The following SMARCC2 variants were observed in gnomAD, a reference collection of about 807,000 sequenced individuals.
SMARCC2 encodes the protein SWI/SNF complex subunit SMARCC2.
In SMARCC2, 15 loss-of-function variants were observed where a neutral mutation model predicts 151.3. That is an observed-to-expected ratio of 0.10 (90% CI 0.07 to 0.15). The LOEUF (loss-of-function observed/expected upper bound fraction) is 0.15. Ranked by LOEUF, SMARCC2 falls within the 10% of genes least tolerant of loss-of-function variation. The probability of loss-of-function intolerance (pLI) is 1.00; values close to 1 mark genes in which losing one functional copy is unlikely to be tolerated. For missense variants in SMARCC2, 1,031 were observed against 1,599.7 expected (o/e 0.64, Z 6.06); for synonymous variants, 590 against 609.5 (o/e 0.97, Z 0.47).
rs1046418692 is a variant in SMARCC2, at chr12:56,171,537, T to C, written c.2186-105A>G. 1 of 1,528,586 alleles carries C rather than the reference T, an allele frequency of 6.5e-7. No individual in the cohort carries two copies. The highest frequency in any genetic ancestry group is 9.0e-7 in the Non-Finnish European group (1 of 1,116,316). 94.7% of individuals were successfully genotyped at this position (1,528,586 alleles called of 1,614,324 possible). On this transcript the variant is annotated intron_variant, in intron 21 of 28. Transcript: ENST00000550164. The surrounding 1 kb of genome is among the most constrained non-coding windows in gnomAD (Gnocchi z 4.2). Reference sequence around the variant, plus strand: ...GCCCATGTCTTCATCTAAGCTAGTATGGAGCCTAGACAGGTGCCTGAGCTG... The same window carrying C: ...GCCCATGTCTTCATCTAAGCTAGTACGGAGCCTAGACAGGTGCCTGAGCTG...
At chr12:56,186,554 T>G in intron 2 of SMARCC2, 1 of 310,762 alleles carries the variant, frequency 3.2e-6, no homozygotes, top group Middle Eastern at 1.1e-3. Context: ...TTCTCCATGT[T>G]GGTCAGGCTG....
Position 56,169,628 on chromosome 12 carries a change from A to G in SMARCC2, c.2616T>C (p.Ser872=), listed in dbSNP as rs776914753. The part of the protein sequence containing the change: ...QEEVLKEVVE[S]EGERKTKVER... The stretch of plus-strand genomic sequence containing the variant: ...CCACCTTTGTCTTCCTTTCCCCCTC[A>G]GACTCCACCACTTCCTTCAGCACTT... Residue 872 remains serine (S), a synonymous_variant, in exon 25 of 29, where the codon TCT becomes TCC. Coordinates refer to ENST00000550164, the MANE Select transcript of SMARCC2 (RefSeq NM_001330288.2). 6.2e-7 allele frequency: 1 copy of G among 1,613,958 alleles called. No homozygotes were observed. The highest frequency in any genetic ancestry group is 8.5e-7 in the Non-Finnish European group (1 of 1,179,922).
intron 23 of SMARCC2, 71 bp from the exon 24 acceptor site, chr12:56,169,982 G>A: frequency 1.3e-6 from 2 of 1,493,894 alleles, no homozygotes; most frequent in Non-Finnish European, 1.9e-6. Flanking sequence ...AGAGGGGCCA[G>A]ACGGGGAACT....
chr12:56,172,157 C>T lies in SMARCC2; in HGVS notation c.1927-220G>A, dbSNP rs144027391. 5 of 565,696 alleles carry T rather than the reference C, an allele frequency of 8.8e-6. No individual in the cohort carries two copies. The East Asian group carries it at 1.5e-4, about 17-fold the overall frequency. The allele number at this position is 565,696 out of a possible 1,614,324, so 35.0% of individuals were successfully genotyped here. On this transcript the variant is annotated intron_variant, in intron 20 of 28. Coordinates refer to ENST00000550164, the MANE Select transcript of SMARCC2 (RefSeq NM_001330288.2). Reference sequence around the variant, plus strand: ...AGCCTGGAGCTGGTCCTGAAGCTCACTGGAGCCTTGACCTCCTAGGCTCAA... The same window carrying T: ...AGCCTGGAGCTGGTCCTGAAGCTCATTGGAGCCTTGACCTCCTAGGCTCAA...
In SMARCC2 at chr12:56,164,607, AGGAGGC is replaced by A; in HGVS notation, c.3351_3356del (p.Pro1122_Pro1123del). The A allele has an allele frequency of 6.2e-7, 1 of 1,613,796 alleles. No homozygotes were observed. The highest frequency in any genetic ancestry group is 1.1e-5 in the South Asian group (1 of 91,066). ...TGATGGATGGAGCAGGAGGAGGAGG[AGGAGGC>A]GGCATGCCAAAAGGCAAACCCAAAG... On this transcript the variant is annotated inframe_deletion, in exon 28 of 29. Transcript: ENST00000550164.
chr12:56,189,380 G>A lies in SMARCC2; in HGVS notation c.82C>T (p.Arg28Trp). The A allele has an allele frequency of 3.9e-6, 6 of 1,539,710 alleles. No homozygotes were observed. Among genetic ancestry groups the A allele is most frequent in the Admixed American group, 1.9e-5 (1 of 52,934 alleles). ...ADTVTQFDNVRLWLGKNYKKY... is the reference protein window; with the variant it reads ...ADTVTQFDNVWLWLGKNYKKY... ...TTGTAGTTCTTGCCGAGCCACAGCC[G>A]CACGTTGTCGAACTGGGTCACGGTG... The change falls in exon 1 of 29, where the codon CGG (arginine) becomes TGG (tryptophan). Residue 28 changes from arginine to tryptophan, a missense_variant. By Grantham distance (101) the Arg-to-Trp change is moderately radical. Transcript: ENST00000550164.
At chr12:56,187,859 G>A (rs979788193) in intron 1 of SMARCC2, among the ~76,000 whole-genome samples, 1 of 152,128 alleles carries the variant, frequency 6.6e-6, no homozygotes, top group Non-Finnish European at 1.5e-5. Flanking sequence ...TAGACAGGAA[G>A]GGCCATCCAC....
chr12:56,184,954 A>G lies in SMARCC2; in HGVS notation c.400-18T>C. On this transcript the variant is annotated intron_variant, in intron 4 of 28. Coordinates refer to ENST00000550164, the MANE Select transcript of SMARCC2 (RefSeq NM_001330288.2). Reference sequence around the variant, plus strand: ...CAATTATTCTGTGGAGAGAAGAAATAGAATGAGATTATAGGAAAGGGGTGT... The same window carrying G: ...CAATTATTCTGTGGAGAGAAGAAATGGAATGAGATTATAGGAAAGGGGTGT... 6.2e-7 allele frequency: 1 copy of G among 1,605,094 alleles called. No individual in the cohort carries two copies. The highest frequency in any genetic ancestry group is 8.5e-7 in the Non-Finnish European group (1 of 1,171,836).
At chr12:56,170,945 C>T (rs1873833702) in intron 22 of SMARCC2, among the ~76,000 whole-genome samples, 1 of 151,372 alleles carries the variant, frequency 6.6e-6, no homozygotes, top group Non-Finnish European at 1.5e-5. Context: ...CTTGGCCAGG[C>T]TGGTCTTGAA....
intron 28 of SMARCC2, 62 bp downstream of exon 28, chr12:56,164,241 C>T (rs1310035886): frequency 1.3e-6 from 2 of 1,495,558 alleles, no homozygotes; most frequent in African/African-American, 1.4e-5. Context: ...CACCTGCCCG[C>T]TCACCCTCCC....
intron 12 of SMARCC2, 47 bp from the exon 13 acceptor site, chr12:56,178,894 A>G: frequency 6.2e-7 from 1 of 1,607,644 alleles, no homozygotes; most frequent in Non-Finnish European, 8.5e-7. Context: ...CCTGAGGGGC[A>G]AGAAAGCCCT....
rs749723488 is a variant in SMARCC2 at position 56,164,721 on chromosome 12, C to T, written c.3243G>A (p.Pro1081=). The part of the protein sequence containing the change: ...VPPPGPHGPS[P]FPNQQTPPSM... ...AGGGAGGAGTTTGTTGGTTGGGGAA[C>T]GGTGAGGGGCCTGAGAATAAAGATG... The change falls in exon 28 of 29, where the codon CCG becomes CCA. Residue 1081 remains proline (P), a synonymous_variant. Transcript: ENST00000550164. 44 of 1,606,906 alleles carry T rather than the reference C, an allele frequency of 2.7e-5. No homozygotes were observed. The highest frequency in any genetic ancestry group is 3.4e-5 in the Admixed American group (2 of 58,490).
At chr12:56,188,740 G>C (rs573747223) in intron 1 of SMARCC2, among the ~76,000 whole-genome samples, 1 of 152,280 alleles carries the variant, frequency 6.6e-6, no homozygotes, top group African/African-American at 2.4e-5. Context: ...CGCTACCCAG[G>C]AACTCCTATA....
chr12:56,165,592 G>A lies in SMARCC2; in HGVS notation c.2958C>T (p.His986=). The A allele has an allele frequency of 6.2e-7, 1 of 1,613,780 alleles. No individual in the cohort carries two copies. The highest frequency in any genetic ancestry group is 8.5e-7 in the Non-Finnish European group (1 of 1,180,042). ...CTGGTGGTGGCTGCTGCTGCTGTTG[G>A]TGCATCTGTTGGAAGTGCTGCTGCC... ...RARQQHFQQM[H]QQQQQPPPAL... is the part of the protein sequence containing the mutation. Residue 986 remains histidine (H), a synonymous_variant, in exon 27 of 29, where the codon CAC becomes CAT. Transcript: ENST00000550164.
chr12:56,176,978 C>T (rs1306528086), intron 15 of SMARCC2, among the ~76,000 whole-genome samples: 1 of 152,174 alleles, frequency 6.6e-6, no homozygotes, highest in Non-Finnish European at 1.5e-5. Context: ...CGTGCCACCA[C>T]GCCCAGCTAG....
Position 56,165,329 on chromosome 12 carries a change from G to A in SMARCC2, c.3221C>T (p.Pro1074Leu), listed in dbSNP as rs749820075. Residue 1074 changes from proline to leucine, a missense_variant, in exon 27 of 29, where the codon CCT (proline) becomes CTT (leucine). Around this residue, in one of 12 missense-constraint regions of SMARCC2, gnomAD observed 310 missense variants for 350.0 expected, o/e 0.89. Transcript: ENST00000550164. ...AACATAACACTTACCATGGGGTCCAGGGGGGGGAACCCCTGGTGGGACTGC... is the reference window on the plus strand; with the variant it reads ...AACATAACACTTACCATGGGGTCCAAGGGGGGGAACCCCTGGTGGGACTGC... ...PGAVPPGVPP[P>L]GPHGPSPFPN... The A allele has an allele frequency of 3.4e-6, 5 of 1,462,840 alleles. No individual in the cohort carries two copies. The South Asian group carries it at 5.9e-5, about 17-fold the overall frequency. 90.6% of individuals were successfully genotyped at this position (1,462,840 alleles called of 1,614,324 possible).
At chr12:56,186,087 T>C (rs1029395736) in intron 3 of SMARCC2, 68 bp downstream of exon 3, 1 of 1,114,590 alleles carries the variant, frequency 9.0e-7, no homozygotes, top group East Asian at 2.3e-5. Flanking sequence ...CCCAGAAAGA[T>C]CCCAGGGAAT....
intron 7 of SMARCC2, among the ~76,000 whole-genome samples, chr12:56,182,536 G>C (rs1876430648): frequency 6.6e-6 from 1 of 151,564 alleles, no homozygotes; most frequent in Non-Finnish European, 1.5e-5. Context: ...TCTTGGCCAG[G>C]CTGGTCTCAA....
chr12:56,170,780 T>A (rs1413702670), intron 22 of SMARCC2, among the ~76,000 whole-genome samples: 1 of 143,050 alleles, frequency 7.0e-6, no homozygotes, highest in Non-Finnish European at 1.5e-5. Flanking sequence ...TTGCCCAGGC[T>A]GGAGTGCAGT....
Sources: gnomAD v4.1 joint callset for allele counts (sites outside exome capture counted in the v4.1 genomes callset) on GRCh38, gnomAD v4.1.1 for gene constraint, gnomAD v4.1.1 regional missense constraint, Gnocchi (gnomAD v3.1) non-coding constraint, MANE v1.5 for transcripts, NCBI Gene and HGNC (gene_info 2026-07-23, HGNC 2026-07-21) for gene names.